Variants in USP47 observed in about 807,000 individuals in gnomAD.
The protein encoded by USP47 is ubiquitin carboxyl-terminal hydrolase 47.
USP47 carries 35 observed loss-of-function variants against 165.1 expected under a neutral mutation model. The ratio of observed to expected loss-of-function variants is 0.21; its 90% CI spans 0.16 to 0.28. The LOEUF (loss-of-function observed/expected upper bound fraction) is 0.28, where lower values mean the gene tolerates loss of function less well. USP47 is among the 10% of genes least tolerant of loss of function. USP47 has a pLI of 1.00. For synonymous variants in USP47, 531 were observed against 544.5 expected (o/e 0.98, Z 0.35); for missense variants, 1,277 against 1,607.4 (o/e 0.79, Z 3.52).
intron 1 of USP47, among the ~76,000 whole-genome samples, chr11:11,847,110 G>A (rs965088436): frequency 1.1e-4 from 16 of 152,080 alleles, no homozygotes; most frequent in South Asian, 4.1e-4. Flanking sequence ...GGTTAAATGC[G>A]TTGAAAGATT....
chr11:11,895,132 T>C (rs1262688888), intron 4 of USP47, among the ~76,000 whole-genome samples: 1 of 152,168 alleles, frequency 6.6e-6, no homozygotes, highest in Admixed American at 6.5e-5. Flanking sequence ...TATACATACA[T>C]TTTTGTTTTC....
chr11:11,935,706 G>A (rs1855009814), intron 16 of USP47, among the ~76,000 whole-genome samples: 1 of 151,858 alleles, frequency 6.6e-6, no homozygotes, highest in South Asian at 2.1e-4. Context: ...GTTGCAACCA[G>A]GGTATGTCAT....
Position 11,910,842 on chromosome 11 carries a change from A to G in USP47, c.969+5294A>G, listed in dbSNP as rs1025311002. Among the ~76,000 whole-genome samples the G allele has an allele frequency of 2.0e-5, 3 of 152,166 alleles. No individual in the cohort carries two copies. In the East Asian group the frequency reaches 5.8e-4, roughly 29 times the overall value. ...TGGTCCAGAATCTCATAACACCCCA[A>G]ATGTCCAGGTTTCAATTAAAAAATC... On this transcript the variant is annotated intron_variant, in intron 8 of 27. Transcript: ENST00000527733.
intron 1 of USP47, among the ~76,000 whole-genome samples, chr11:11,850,601 G>T (rs1848672741): frequency 6.6e-6 from 1 of 151,606 alleles, no homozygotes; most frequent in Non-Finnish European, 1.5e-5. Context: ...GGCAGTCTGT[G>T]CTTATTTAAG....
intron 10 of USP47, among the ~76,000 whole-genome samples, chr11:11,920,700 A>G (rs1345325149): frequency 1.3e-5 from 2 of 151,842 alleles, no homozygotes; most frequent in Non-Finnish European, 3.0e-5. Flanking sequence ...TATATTTTAA[A>G]TATTCTTGTT....
At chr11:11,933,974 CAACA>C in intron 16 of USP47, 39 bp downstream of exon 16, 1 of 1,434,604 alleles carries the variant, frequency 7.0e-7, no homozygotes, top group Non-Finnish European at 9.7e-7. Flanking sequence ...CTTACTAATA[CAACA>C]GTATTAACAT....
intron 7 of USP47, among the ~76,000 whole-genome samples, chr11:11,903,956 A>G (rs550401154): frequency 6.6e-6 from 1 of 152,276 alleles, no homozygotes; most frequent in South Asian, 2.1e-4. Context: ...TATATAAGGT[A>G]GCTAGAAGGG....
Position 11,942,856 on chromosome 11 carries a change from T to G in USP47, c.2835T>G (p.Ser945Arg). 1.2e-6 allele frequency: 2 copies of G among 1,613,746 alleles called. No homozygotes were observed. Reference protein sequence around the residue: ...SSVDSDILSSSHSSDTLCNAD... With the variant: ...SSVDSDILSSRHSSDTLCNAD... ...TGGACAGTGATATTCTTAGCTCCAGTCATAGCAGTGATACTTTGTGCAATG... is the reference window on the plus strand; with the variant it reads ...TGGACAGTGATATTCTTAGCTCCAGGCATAGCAGTGATACTTTGTGCAATG... Residue 945 changes from serine to arginine, a missense_variant, in exon 20 of 28, where the codon AGT becomes AGG. Physicochemically the swap from Ser to Arg is moderately radical, Grantham distance 110 (BLOSUM62 -1). Around this residue, in one of 4 missense-constraint regions of USP47, gnomAD observed 909 missense variants for 1,068.1 expected, o/e 0.85. Transcript: ENST00000527733.
intron 11 of USP47, among the ~76,000 whole-genome samples, chr11:11,923,483 T>C (rs1249048081): frequency 6.6e-6 from 1 of 152,074 alleles, no homozygotes; most frequent in Non-Finnish European, 1.5e-5. Context: ...AACCACAGAA[T>C]TGGATAATCT....
intron 5 of USP47, among the ~76,000 whole-genome samples, chr11:11,901,394 T>C (rs527901931): frequency 6.6e-6 from 1 of 152,312 alleles, no homozygotes; most frequent in African/African-American, 2.4e-5. Flanking sequence ...TAATATTTTG[T>C]CTTAGGTGTA....
intron 1 of USP47, among the ~76,000 whole-genome samples, chr11:11,858,493 T>A (rs1482771399): frequency 6.6e-6 from 1 of 152,212 alleles, no homozygotes; most frequent in Admixed American, 6.5e-5. Flanking sequence ...AAATATAGAA[T>A]ATATCCATCA....
intron 20 of USP47, chr11:11,943,713 A>G (rs1855637511): frequency 6.6e-6 from 1 of 152,186 alleles, no homozygotes; most frequent in Non-Finnish European, 1.5e-5. Context: ...CAACAAAAAC[A>G]TTCCAGCATA....
At chr11:11,911,473 T>C (rs1029366440) in intron 8 of USP47, among the ~76,000 whole-genome samples, 2 of 152,076 alleles carry the variant, frequency 1.3e-5, no homozygotes, top group Non-Finnish European at 2.9e-5. Flanking sequence ...TAGTGTCAGA[T>C]AAAGAAGACT....
chr11:11,898,064 T>G (rs1851954159), intron 5 of USP47, among the ~76,000 whole-genome samples: 1 of 152,134 alleles, frequency 6.6e-6, no homozygotes, highest in South Asian at 2.1e-4. Context: ...ATCCAAAGTT[T>G]TTTTTTAACT....
intron 4 of USP47, among the ~76,000 whole-genome samples, chr11:11,893,868 C>T (rs1051727840): frequency 5.9e-5 from 9 of 152,056 alleles, no homozygotes; most frequent in Non-Finnish European, 2.9e-5. Context: ...TGTAATCTTT[C>T]GTTTACTATA....
rs1847468501 is a variant in USP47, at chr11:11,961,883, C to T, written c.*5708C>T. Reference sequence around the variant, plus strand: ...ATTCAAGCACCACCTCCACCCAGCCCCTCCCACATTTCACTCAGGACTGAG... The same window carrying T: ...ATTCAAGCACCACCTCCACCCAGCCTCTCCCACATTTCACTCAGGACTGAG... On this transcript the variant is annotated 3_prime_UTR_variant, in exon 28 of 28. Transcript: ENST00000527733. Among the ~76,000 whole-genome samples, 1 of 152,180 alleles carries T rather than the reference C, an allele frequency of 6.6e-6. No individual in the cohort carries two copies. The highest frequency in any genetic ancestry group is 1.9e-4 in the East Asian group (1 of 5,186).
At chr11:11,862,351 TA>T (rs1849430988) in intron 1 of USP47, among the ~76,000 whole-genome samples, 1 of 152,184 alleles carries the variant, frequency 6.6e-6, no homozygotes, top group African/African-American at 2.4e-5. Context: ...GTAAAGATTG[TA>T]AAATAGCTGT....
chr11:11,926,004 G>T (rs1185584096), intron 11 of USP47, among the ~76,000 whole-genome samples: 1 of 151,936 alleles, frequency 6.6e-6, no homozygotes, highest in Non-Finnish European at 1.5e-5. Context: ...GCGATCCTGT[G>T]GTTTTTTCAT....
chr11:11,851,821 A>C (rs1324576161), intron 1 of USP47, among the ~76,000 whole-genome samples: 1 of 152,046 alleles, frequency 6.6e-6, no homozygotes, highest in Non-Finnish European at 1.5e-5. Flanking sequence ...AATGGCTCTC[A>C]ATTTGGGTTT....
Sources: gnomAD v4.1 joint callset for allele counts (sites outside exome capture counted in the v4.1 genomes callset) on GRCh38, gnomAD v4.1.1 for gene constraint, gnomAD v4.1.1 regional missense constraint, MANE v1.5 for transcripts, NCBI Gene and HGNC (gene_info 2026-07-23, HGNC 2026-07-21) for gene names.